Variants in GPR137B observed in about 807,000 individuals in gnomAD.
GPR137B encodes integral membrane protein GPR137B.
GPR137B carries 42 observed loss-of-function variants against 42.5 expected under a neutral mutation model. The ratio of observed to expected loss-of-function variants is 0.99; its 90% CI spans 0.77 to 1.28. The LOEUF (loss-of-function observed/expected upper bound fraction) is 1.28, where lower values mean the gene tolerates loss of function less well. Among genes scored for constraint, GPR137B ranks in the 50% most tolerant of loss-of-function variants. GPR137B has a pLI of 0.00. For missense variants in GPR137B, 487 were observed against 493.9 expected (o/e 0.99, Z 0.13); for synonymous variants, 218 against 209.7 (o/e 1.04, Z -0.34).
chr1:236,179,920 G>T lies in GPR137B; in HGVS notation c.729G>T (p.Val243=). Reference sequence around the variant, plus strand: ...AAGTGACTGCCATCGGTGTCACCGTGATACTGCTTTACACCTCTCGGGCCT... The same window carrying T: ...AAGTGACTGCCATCGGTGTCACCGTTATACTGCTTTACACCTCTCGGGCCT... ...VCQVTAIGVT[V]ILLYTSRACY... Residue 243 remains valine, a synonymous_variant, in exon 4 of 7, where the codon GTG becomes GTT. Coordinates refer to ENST00000366592, the MANE Select transcript of GPR137B (RefSeq NM_003272.4). 1 of 1,608,372 alleles carries T rather than the reference G, an allele frequency of 6.2e-7. No homozygotes were observed. Among genetic ancestry groups the T allele is most frequent in the Non-Finnish European group, 8.5e-7 (1 of 1,177,436 alleles).
chr1:236,165,187 G>A (rs1662315999), intron 1 of GPR137B, among the ~76,000 whole-genome samples: 1 of 152,206 alleles, frequency 6.6e-6, no homozygotes, highest in South Asian at 2.1e-4. Context: ...TTACAGGCGT[G>A]AGCCACTGCA....
chr1:236,181,075 T>C (rs2102912247), intron 4 of GPR137B, among the ~76,000 whole-genome samples: 1 of 151,986 alleles, frequency 6.6e-6, no homozygotes, highest in East Asian at 1.9e-4. Flanking sequence ...CCTCAGGGAG[T>C]GAATTTTTTT....
At chr1:236,149,395 G>T (rs912092457) in intron 1 of GPR137B, among the ~76,000 whole-genome samples, 17 of 152,174 alleles carry the variant, frequency 1.1e-4, no homozygotes, top group Admixed American at 1.1e-3. Context: ...CGTGTTTCAG[G>T]CTGACCGATC....
In GPR137B at chr1:236,150,209, G is replaced by A. The variant is rs951958028; in HGVS notation, c.414+7173G>A. Among the ~76,000 whole-genome samples the A allele has an allele frequency of 6.6e-6, 1 of 150,482 alleles. No homozygotes were observed. The highest frequency in any genetic ancestry group is 2.5e-5 in the African/African-American group (1 of 40,774). ...TGTGTGTCTGTGTGCCTGTGTGTGTGTCTGTGCCTGTGTGTGCCTGTGTAT... is the reference window on the plus strand; with the variant it reads ...TGTGTGTCTGTGTGCCTGTGTGTGTATCTGTGCCTGTGTGTGCCTGTGTAT... On this transcript the variant is annotated intron_variant, in intron 1 of 6. Coordinates refer to ENST00000366592, the MANE Select transcript of GPR137B (RefSeq NM_003272.4). The surrounding 1 kb of genome is among the most constrained non-coding windows in gnomAD (Gnocchi z 6.2).
At position 236,156,610 on chromosome 1, in the gene GPR137B, C is replaced by T. The variant is rs577693308; in HGVS notation, c.415-12096C>T. ...CCTCAAATGCAGATCCCCTCCCCGC[C>T]GCAGAGCCGCCTTGTGTGTCTTCCG... is the stretch of plus-strand genomic sequence containing the variant. On this transcript the variant is annotated intron_variant, in intron 1 of 6. Transcript: ENST00000366592. This position sits in a 1 kb window ranked among gnomAD's most constrained non-coding sequence, Gnocchi z 4.8. Among the ~76,000 whole-genome samples, 18 of 152,200 alleles carry T rather than the reference C, an allele frequency of 1.2e-4. No individual in the cohort carries two copies. The highest frequency in any genetic ancestry group is 1.9e-4 in the Non-Finnish European group (13 of 68,036).
chr1:236,148,621 G>A (rs1385777046), intron 1 of GPR137B, among the ~76,000 whole-genome samples: 1 of 152,170 alleles, frequency 6.6e-6, no homozygotes, highest in Non-Finnish European at 1.5e-5. Flanking sequence ...GACATTTATC[G>A]GGGTCTGGTC....
Position 236,205,144 on chromosome 1 carries a change from C to A in GPR137B, c.985C>A (p.Pro329Thr). Residue 329 changes from proline to threonine, a missense_variant, in exon 6 of 7, where the codon CCC becomes ACC. Transcript: ENST00000366592. ...TTTCTAGACCAACCCTGGAATGGTC[C>A]CCAGCCATGGATTCAGTCCCAGATC... ...TKDLTNPGMVPSHGFSPRSYF... is the reference protein window; with the variant it reads ...TKDLTNPGMVTSHGFSPRSYF... 1 of 1,612,648 alleles carries A rather than the reference C, an allele frequency of 6.2e-7. No individual in the cohort carries two copies. The highest frequency in any genetic ancestry group is 8.5e-7 in the Non-Finnish European group (1 of 1,178,814).
intron 4 of GPR137B, 138 bp downstream of exon 4, chr1:236,180,166 A>T: frequency 1.5e-6 from 1 of 671,820 alleles, no homozygotes; most frequent in Non-Finnish European, 2.7e-6. Flanking sequence ...TCTGCATATA[A>T]CCTACACGCA....
In GPR137B at chr1:236,157,424, C is replaced by T. The variant is rs76803617; in HGVS notation, c.415-11282C>T. Among the ~76,000 whole-genome samples the T allele has an allele frequency of 0.018, 2,754 of 152,182 alleles. 130 individuals carry two copies. In the East Asian group the frequency reaches 0.18, roughly 10 times the overall value. Reference sequence around the variant, plus strand: ...ATTTTTAGTAGAGACAGGGTTTCACCGTGTTAGCCAGGATGGTCTTGATCT... The same window carrying T: ...ATTTTTAGTAGAGACAGGGTTTCACTGTGTTAGCCAGGATGGTCTTGATCT... On this transcript the variant is annotated intron_variant, in intron 1 of 6. Coordinates refer to ENST00000366592, the MANE Select transcript of GPR137B (RefSeq NM_003272.4).
At chr1:236,158,317 C>T (rs1385425796) in intron 1 of GPR137B, among the ~76,000 whole-genome samples, 1 of 152,078 alleles carries the variant, frequency 6.6e-6, no homozygotes, top group African/African-American at 2.4e-5. Flanking sequence ...CCCAGCTACT[C>T]GGGAGGCTGA....
At chr1:236,152,175 G>A in intron 1 of GPR137B, among the ~76,000 whole-genome samples, 1 of 151,958 alleles carries the variant, frequency 6.6e-6, no homozygotes, top group South Asian at 2.1e-4. Context: ...TAAAAAAATT[G>A]TATTGTCTGG....
At chr1:236,160,927 A>T (rs1571970635) in intron 1 of GPR137B, among the ~76,000 whole-genome samples, 1 of 145,212 alleles carries the variant, frequency 6.9e-6, no homozygotes, top group Non-Finnish European at 1.5e-5. Context: ...GTTTTTTTTT[A>T]AATAACAGCT....
At chr1:236,200,979 G>T (rs1052449939) in intron 5 of GPR137B, among the ~76,000 whole-genome samples, 1 of 151,440 alleles carries the variant, frequency 6.6e-6, no homozygotes, top group African/African-American at 2.4e-5. Context: ...TTGAGGTTTT[G>T]TTTCAAGAAT....
chr1:236,178,743 A>C (rs1373630052), intron 3 of GPR137B, 107 bp downstream of exon 3: 1 of 449,896 alleles, frequency 2.2e-6, no homozygotes, highest in Non-Finnish European at 4.0e-6. Flanking sequence ...TTTTGCCTTG[A>C]CTTTCTCCGT....
Position 236,150,183 on chromosome 1 carries a change from G to A in GPR137B, c.414+7147G>A, listed in dbSNP as rs1199616013. ...TGCATGTGTGTGCCCGTTTGTGTTT[G>A]TGTGTGTCTGTGTGCCTGTGTGTGT... On this transcript the variant is annotated intron_variant, in intron 1 of 6. Coordinates refer to ENST00000366592, the MANE Select transcript of GPR137B (RefSeq NM_003272.4). The surrounding 1 kb of genome is among the most constrained non-coding windows in gnomAD (Gnocchi z 6.2). Among the ~76,000 whole-genome samples the A allele has an allele frequency of 6.6e-6, 1 of 150,590 alleles. No individual in the cohort carries two copies. Among genetic ancestry groups the A allele is most frequent in the African/African-American group, 2.4e-5 (1 of 40,818 alleles).
At chr1:236,164,594 A>C (rs1004615646) in intron 1 of GPR137B, among the ~76,000 whole-genome samples, 13 of 152,254 alleles carry the variant, frequency 8.5e-5, no homozygotes, top group African/African-American at 3.1e-4. Context: ...TCTTTAGCAA[A>C]GTCTCTCAGA....
At chr1:236,144,955 T>A (rs1661642637) in intron 1 of GPR137B, among the ~76,000 whole-genome samples, 1 of 152,140 alleles carries the variant, frequency 6.6e-6, no homozygotes, top group South Asian at 2.1e-4. Context: ...GGTTGGTGAG[T>A]AAATGCTGAG....
chr1:236,204,440 A>AT (rs979953807), intron 5 of GPR137B, among the ~76,000 whole-genome samples: 17 of 151,700 alleles, frequency 1.1e-4, no homozygotes, highest in Admixed American at 3.3e-4. Context: ...CTCTTCCTCT[A>AT]TTTTTTTTGG....
At chr1:236,185,659 G>A (rs1662998639) in intron 5 of GPR137B, among the ~76,000 whole-genome samples, 2 of 152,148 alleles carry the variant, frequency 1.3e-5, no homozygotes, top group African/African-American at 2.4e-5. Flanking sequence ...GGGCTTAAGC[G>A]ATTCTCTTGC....
Sources: gnomAD v4.1 joint callset for allele counts (sites outside exome capture counted in the v4.1 genomes callset) on GRCh38, gnomAD v4.1.1 for gene constraint, Gnocchi (gnomAD v3.1) non-coding constraint, MANE v1.5 for transcripts, NCBI Gene and HGNC (gene_info 2026-07-23, HGNC 2026-07-21) for gene names.